Variants in ATP1A3 observed in about 807,000 individuals in gnomAD.
The protein encoded by ATP1A3 is sodium/potassium-transporting ATPase subunit alpha-3.
A neutral mutation model predicts 108.8 loss-of-function variants in ATP1A3; 12 were observed. The observed-to-expected ratio is 0.11, with a 90% confidence interval of 0.07 to 0.18. ATP1A3 has a LOEUF of 0.18. Ranked by LOEUF, ATP1A3 falls within the 10% of genes least tolerant of loss-of-function variation. The pLI, the probability that ATP1A3 is intolerant of heterozygous loss-of-function variation, is 1.00. For missense variants in ATP1A3, 498 were observed against 1,387.7 expected (o/e 0.36, Z 10.19); for synonymous variants, 539 against 564.5 (o/e 0.95, Z 0.64).
chr19:41,971,702 A>G (rs1368663244), intron 16 of ATP1A3, among the ~76,000 whole-genome samples: 2 of 152,160 alleles, frequency 1.3e-5, no homozygotes, highest in Non-Finnish European at 2.9e-5. Context: ...TCTGGGCTAA[A>G]AGTCAGGATA....
At position 41,981,425 on chromosome 19, in the gene ATP1A3, A is replaced by G. The variant is rs1274987370; in HGVS notation, c.1437+77T>C. The stretch of plus-strand genomic sequence containing the variant: ...TCCCATTTTACAGACGGGAAAATCA[A>G]GGCTCTATGACACCTCTTTACAGGC... On this transcript the variant is annotated intron_variant, in intron 11 of 22. Coordinates refer to ENST00000648268, the MANE Select transcript of ATP1A3 (RefSeq NM_152296.5). This position sits in a 1 kb window ranked among gnomAD's most constrained non-coding sequence, Gnocchi z 5.0. 4.4e-6 allele frequency: 7 copies of G among 1,606,694 alleles called. No homozygotes were observed. Among genetic ancestry groups the G allele is most frequent in the Non-Finnish European group, 6.0e-6 (7 of 1,174,006 alleles).
At position 41,970,239 on chromosome 19, in the gene ATP1A3, G is replaced by C. The variant is rs782313309; in HGVS notation, c.2488C>G (p.Arg830Gly). 1.2e-6 allele frequency: 2 copies of C among 1,614,218 alleles called. No individual in the cohort carries two copies. The highest frequency in any genetic ancestry group is 1.1e-5 in the South Asian group (1 of 91,086). Residue 830 changes from arginine to glycine, a missense_variant, in exon 18 of 23, where the codon CGG becomes GGG. Physicochemically the swap from Arg to Gly is moderately radical, Grantham distance 125 (BLOSUM62 -2). Coordinates refer to ENST00000648268, the MANE Select transcript of ATP1A3 (RefSeq NM_152296.5). ...DIMKRQPRNP[R>G]TDKLVNERLI... ...CTCTCATTGACCAATTTGTCCGTCCGCGGGTTCCTGGGCTGTCTCTTCATG... is the reference window on the plus strand; with the variant it reads ...CTCTCATTGACCAATTTGTCCGTCCCCGGGTTCCTGGGCTGTCTCTTCATG...
chr19:41,975,594 A>G, intron 16 of ATP1A3, 35 bp downstream of exon 16: 1 of 1,612,728 alleles, frequency 6.2e-7, no homozygotes, highest in Non-Finnish European at 8.5e-7. Flanking sequence ...TCCGGTAGTG[A>G]CCCTGGTCTC....
chr19:41,991,384 G>A (rs1317245866), intron 1 of ATP1A3, among the ~76,000 whole-genome samples: 1 of 152,184 alleles, frequency 6.6e-6, no homozygotes, highest in African/African-American at 2.4e-5. Flanking sequence ...TTGGCCCCAC[G>A]CCAGCCCTGC....
rs769713426 is a variant in ATP1A3 at position 41,967,800 on chromosome 19, C to A, written c.2820-37G>T. 6.3e-7 allele frequency: 1 copy of A among 1,596,072 alleles called. No individual in the cohort carries two copies. The highest frequency in any genetic ancestry group is 8.6e-7 in the Non-Finnish European group (1 of 1,166,456). On this transcript the variant is annotated intron_variant, in intron 20 of 22. Coordinates refer to ENST00000648268, the MANE Select transcript of ATP1A3 (RefSeq NM_152296.5). This position sits in a 1 kb window ranked among gnomAD's most constrained non-coding sequence, Gnocchi z 4.2. ...GAAGGGCAGGGCTGGGCCCAGAGAG[C>A]ACCCACCCTGCACCTGCCACCCCGC...
At chr19:41,986,585 G>C (rs956075606) in intron 4 of ATP1A3, 12 of 312,184 alleles carry the variant, frequency 3.8e-5, no homozygotes, top group African/African-American at 2.6e-4. Context: ...GGGACTACAG[G>C]TGCATGCCAC....
In ATP1A3 at chr19:41,976,351, C is replaced by A. The variant is rs1555861227; in HGVS notation, c.2094+65G>T. The A allele has an allele frequency of 7.5e-6, 12 of 1,602,020 alleles. No homozygotes were observed. The Admixed American group carries it at 1.4e-4, about 18-fold the overall frequency. ...CCTCCCTCAGACCCAGGAAACCAGG[C>A]CCCGGCCTCAGTGAGGACCCAGGAG... On this transcript the variant is annotated intron_variant, in intron 15 of 22. Transcript: ENST00000648268.
intron 14 of ATP1A3, 134 bp from the exon 15 acceptor site, chr19:41,976,700 G>A (rs1555861441): frequency 7.6e-7 from 1 of 1,308,388 alleles, no homozygotes; most frequent in African/African-American, 1.5e-5. Context: ...TGGGGGAAGA[G>A]GCCTCTGGGA....
chr19:41,976,640 A>C, intron 14 of ATP1A3, 74 bp from the exon 15 acceptor site: 5 of 1,599,976 alleles, frequency 3.1e-6, no homozygotes, highest in Non-Finnish European at 4.3e-6. Context: ...TGAAAGACAG[A>C]GAAACAGAGG....
intron 16 of ATP1A3, among the ~76,000 whole-genome samples, chr19:41,971,436 C>T (rs1340538581): frequency 2.6e-5 from 4 of 152,126 alleles, no homozygotes; most frequent in Non-Finnish European, 4.4e-5. Flanking sequence ...TTATGCCCAG[C>T]GAAAAGCAAG....
chr19:41,971,110 C>T (rs192853313), intron 16 of ATP1A3, among the ~76,000 whole-genome samples: 6 of 152,160 alleles, frequency 3.9e-5, no homozygotes, highest in African/African-American at 9.6e-5. Context: ...ACTACAGTCA[C>T]GCGCCACCAC....
At chr19:41,969,351 C>G in intron 19 of ATP1A3, 84 bp downstream of exon 19, 5 of 1,597,654 alleles carry the variant, frequency 3.1e-6, no homozygotes, top group Non-Finnish European at 3.4e-6. Context: ...AGGGGGCCAT[C>G]GTAGGAAGTG....
chr19:41,975,214 G>A (rs540913898), intron 16 of ATP1A3, among the ~76,000 whole-genome samples: 1 of 152,302 alleles, frequency 6.6e-6, no homozygotes, highest in East Asian at 1.9e-4. Flanking sequence ...ACAATGCCCG[G>A]CTAATTTTTT....
Position 41,967,642 on chromosome 19 carries a change from G to T in ATP1A3, c.2921+20C>A, listed in dbSNP as rs1233008576. The T allele has an allele frequency of 6.8e-6, 11 of 1,611,510 alleles. No individual in the cohort carries two copies. The highest frequency in any genetic ancestry group is 9.3e-6 in the Non-Finnish European group (11 of 1,178,258). ...GGCAGGCGCTGGTGTGGGCAGGGCTGGGGGCAGCGGGGCACTCACTTGAGA... is the reference window on the plus strand; with the variant it reads ...GGCAGGCGCTGGTGTGGGCAGGGCTTGGGGCAGCGGGGCACTCACTTGAGA... On this transcript the variant is annotated intron_variant, in intron 21 of 22. Transcript: ENST00000648268. This position sits in a 1 kb window ranked among gnomAD's most constrained non-coding sequence, Gnocchi z 4.2.
intron 8 of ATP1A3, among the ~76,000 whole-genome samples, chr19:41,982,812 T>G (rs927275471): frequency 2.0e-5 from 3 of 152,220 alleles, no homozygotes; most frequent in African/African-American, 2.4e-5. Context: ...TCATACTGAA[T>G]TATTCCGTTA....
intron 1 of ATP1A3, chr19:41,993,766 G>A: frequency 1.6e-6 from 1 of 608,210 alleles, no homozygotes; most frequent in Non-Finnish European, 2.9e-6. Context: ...GACAGAGCCA[G>A]CAGCTCTCAT....
chr19:41,971,489 C>A (rs868911726), intron 16 of ATP1A3, among the ~76,000 whole-genome samples: 1 of 152,152 alleles, frequency 6.6e-6, no homozygotes, highest in Non-Finnish European at 1.5e-5. Flanking sequence ...GAGCCAAAAG[C>A]CAGAGTCAAC....
At chr19:41,970,125 C>T in intron 18 of ATP1A3, 60 bp downstream of exon 18, 1 of 1,613,778 alleles carries the variant, frequency 6.2e-7, no homozygotes, top group South Asian at 1.1e-5. Context: ...CCACGGTGGG[C>T]CAGGCACTGC....
In ATP1A3 at chr19:41,968,308, G is replaced by A. The variant is rs990567387; in HGVS notation, c.2819+477C>T. ...GCAGGAAGATTGCCTGAGCTCAGGA[G>A]TTTGAGACCAGCCTGGGCAACATGG... is the stretch of plus-strand genomic sequence containing the variant. On this transcript the variant is annotated intron_variant, in intron 20 of 22. Transcript: ENST00000648268. This position sits in a 1 kb window ranked among gnomAD's most constrained non-coding sequence, Gnocchi z 5.0. Among the ~76,000 whole-genome samples, 2 of 152,154 alleles carry A rather than the reference G, an allele frequency of 1.3e-5. No individual in the cohort carries two copies. Among genetic ancestry groups the A allele is most frequent in the East Asian group, 1.9e-4 (1 of 5,196 alleles).
Sources: gnomAD v4.1 joint callset for allele counts (sites outside exome capture counted in the v4.1 genomes callset) on GRCh38, gnomAD v4.1.1 for gene constraint, Gnocchi (gnomAD v3.1) non-coding constraint, MANE v1.5 for transcripts, NCBI Gene and HGNC (gene_info 2026-07-23, HGNC 2026-07-21) for gene names.